Variants in OPCML observed in about 807,000 individuals in gnomAD.
OPCML encodes the protein opioid-binding protein/cell adhesion molecule.
OPCML carries 13 observed loss-of-function variants against 37.8 expected under a neutral mutation model. The ratio of observed to expected loss-of-function variants is 0.34; its 90% CI spans 0.22 to 0.55. The LOEUF (loss-of-function observed/expected upper bound fraction) is 0.55. OPCML is among the 20% of genes least tolerant of loss of function. The pLI, the probability that OPCML is intolerant of heterozygous loss-of-function variation, is 0.91. For missense variants in OPCML, 341 were observed against 435.6 expected (o/e 0.78, Z 1.93); for synonymous variants, 176 against 168.8 (o/e 1.04, Z -0.33).
intron 3 of OPCML, among the ~76,000 whole-genome samples, chr11:132,537,103 C>T (rs1167601764): frequency 3.3e-5 from 5 of 152,148 alleles, no homozygotes; most frequent in Non-Finnish European, 7.4e-5. Context: ...GTAATAACAC[C>T]ACCAGCAGCA....
chr11:132,718,635 T>C (rs1045643805), intron 2 of OPCML, among the ~76,000 whole-genome samples: 2 of 152,024 alleles, frequency 1.3e-5, no homozygotes, highest in Non-Finnish European at 2.9e-5. Context: ...GTGGCTAGGG[T>C]AGCTACACCA....
At chr11:132,649,269 T>G (rs1051848927) in intron 3 of OPCML, among the ~76,000 whole-genome samples, 3 of 150,660 alleles carry the variant, frequency 2.0e-5, no homozygotes, top group South Asian at 4.2e-4. Flanking sequence ...GAGAAATCTG[T>G]TTTTTTTTCT....
chr11:133,203,266 A>G (rs993911109), intron 1 of OPCML, among the ~76,000 whole-genome samples: 3 of 152,230 alleles, frequency 2.0e-5, no homozygotes, highest in African/African-American at 7.2e-5. Context: ...CGGGATAATA[A>G]CAGCTGCCTG....
At chr11:132,925,452 T>C (rs1944954968) in intron 2 of OPCML, among the ~76,000 whole-genome samples, 1 of 152,224 alleles carries the variant, frequency 6.6e-6, no homozygotes, top group South Asian at 2.1e-4. Flanking sequence ...AACAGAATCC[T>C]CTGGGAATGT....
chr11:132,827,611 A>C (rs1591663570), intron 2 of OPCML, among the ~76,000 whole-genome samples: 1 of 151,934 alleles, frequency 6.6e-6, no homozygotes, highest in Non-Finnish European at 1.5e-5. Context: ...CTGTGCACCA[A>C]TGTGCTTTTG....
chr11:132,698,795 A>T (rs529630846), intron 2 of OPCML, among the ~76,000 whole-genome samples: 163 of 152,060 alleles, frequency 1.1e-3, no homozygotes, highest in Non-Finnish European at 1.8e-3. Context: ...CAATTTTTAG[A>T]TGATTTTCAT....
At chr11:133,483,713 T>TAGATAGAC (rs1555165648) in intron 1 of OPCML, among the ~76,000 whole-genome samples, 7 of 146,212 alleles carry the variant, frequency 4.8e-5, no homozygotes, top group African/African-American at 1.8e-4. Context: ...GATAGATAGA[T>TAGATAGAC]AGATAGATAA....
chr11:132,436,874 G>T, intron 5 of OPCML, 95 bp from the exon 6 acceptor site: 1 of 1,516,738 alleles, frequency 6.6e-7, no homozygotes, highest in East Asian at 2.4e-5. Flanking sequence ...CCAGCCATTT[G>T]CTATGTAAAT....
intron 2 of OPCML, among the ~76,000 whole-genome samples, chr11:132,826,237 C>T (rs1940323967): frequency 6.6e-6 from 1 of 152,164 alleles, no homozygotes; most frequent in Admixed American, 6.6e-5. Context: ...AATTCCAGTA[C>T]AAAACAAGCT....
intron 1 of OPCML, among the ~76,000 whole-genome samples, chr11:133,478,934 T>C (rs1947310280): frequency 6.6e-6 from 1 of 152,140 alleles, no homozygotes; most frequent in Non-Finnish European, 1.5e-5. Context: ...CCTAATTTCA[T>C]CCCAGGCCAT....
chr11:132,447,554 C>A (rs763257984), intron 4 of OPCML, among the ~76,000 whole-genome samples: 6 of 152,050 alleles, frequency 3.9e-5, no homozygotes, highest in Admixed American at 6.5e-5. Context: ...AGTCAATCCA[C>A]CTGCCTTGGC....
intron 1 of OPCML, chr11:133,024,949 G>T (rs750024697): frequency 1.0e-6 from 1 of 985,200 alleles, no homozygotes; most frequent in Non-Finnish European, 1.2e-6. Flanking sequence ...GAACCAATGC[G>T]CACTGCAGAG....
intron 1 of OPCML, among the ~76,000 whole-genome samples, chr11:133,189,430 A>G (rs1437636259): frequency 6.6e-6 from 1 of 152,218 alleles, no homozygotes; most frequent in Non-Finnish European, 1.5e-5. Context: ...TACATCTCAT[A>G]TTTTAACAAG....
chr11:133,218,001 C>A (rs1043291229), intron 1 of OPCML, among the ~76,000 whole-genome samples: 1 of 151,366 alleles, frequency 6.6e-6, no homozygotes, highest in African/African-American at 2.4e-5. Flanking sequence ...AGCTATGATC[C>A]TGCCACTGCA....
chr11:132,486,528 T>C (rs1446161651), intron 4 of OPCML, among the ~76,000 whole-genome samples: 1 of 152,164 alleles, frequency 6.6e-6, no homozygotes, highest in African/African-American at 2.4e-5. Context: ...TCTCGGTGCT[T>C]GCTAGGCACA....
intron 1 of OPCML, among the ~76,000 whole-genome samples, chr11:133,444,137 T>C (rs146364668): frequency 6.6e-6 from 1 of 152,146 alleles, no homozygotes; most frequent in South Asian, 2.1e-4. Flanking sequence ...ATGTCTCAAG[T>C]AGAAGCAGCA....
intron 1 of OPCML, among the ~76,000 whole-genome samples, chr11:133,470,506 A>G (rs1947081591): frequency 6.6e-6 from 1 of 152,174 alleles, no homozygotes; most frequent in African/African-American, 2.4e-5. Flanking sequence ...AATCTGGCAA[A>G]TGTCACGAGG....
chr11:133,009,097 T>G (rs1320202499), intron 1 of OPCML: 4 of 985,392 alleles, frequency 4.1e-6, no homozygotes, highest in Non-Finnish European at 4.8e-6. Context: ...TTAGTGAGAT[T>G]AAATGCATTC....
At chr11:133,062,736 T>G (rs1412987757) in intron 1 of OPCML, among the ~76,000 whole-genome samples, 2 of 152,236 alleles carry the variant, frequency 1.3e-5, no homozygotes, top group African/African-American at 4.8e-5. Context: ...CCATCTCCTG[T>G]TCCAGCTGGG....
Sources: allele counts gnomAD v4.1 joint callset (sites outside exome capture counted in the v4.1 genomes callset), GRCh38; gene constraint gnomAD v4.1.1; transcripts MANE v1.5; gene names NCBI Gene and HGNC (gene_info 2026-07-23, HGNC 2026-07-21).